Variants in LPP observed in about 807,000 individuals in gnomAD.
LPP encodes lipoma-preferred partner.
A neutral mutation model predicts 60.4 loss-of-function variants in LPP; 38 were observed. The observed-to-expected ratio is 0.63, with a 90% CI of 0.49 to 0.83. The LOEUF (loss-of-function observed/expected upper bound fraction) is 0.83. LPP is among the 40% of genes least tolerant of loss of function. The pLI is 0.00. For synonymous variants in LPP, 328 were observed against 290.8 expected (o/e 1.13, Z -1.30); for missense variants, 902 against 783.6 (o/e 1.15, Z -1.80).
intron 4 of LPP, among the ~76,000 whole-genome samples, chr3:188,411,083 T>C (rs1560368933): frequency 6.6e-6 from 1 of 152,186 alleles, no homozygotes; most frequent in Non-Finnish European, 1.5e-5. Context: ...GGCTGAGTAG[T>C]ATCCCATAGT....
At chr3:188,701,487 A>G (rs1386728891) in intron 7 of LPP, among the ~76,000 whole-genome samples, 1 of 152,242 alleles carries the variant, frequency 6.6e-6, no homozygotes, top group African/African-American at 2.4e-5. Flanking sequence ...AGCATATTGT[A>G]TTGCCGTAAG....
At chr3:188,545,523 C>T (rs1026743329) in intron 6 of LPP, among the ~76,000 whole-genome samples, 1 of 151,978 alleles carries the variant, frequency 6.6e-6, no homozygotes, top group Non-Finnish European at 1.5e-5. Context: ...TGATAGTACT[C>T]CATGAAAATA....
At chr3:188,301,377 T>C (rs529557757) in intron 2 of LPP, among the ~76,000 whole-genome samples, 2 of 152,340 alleles carry the variant, frequency 1.3e-5, no homozygotes, top group African/African-American at 4.8e-5. Context: ...CATTTTTGTT[T>C]CATTTCAAAA....
At chr3:188,309,067 G>T (rs1180978687) in intron 2 of LPP, among the ~76,000 whole-genome samples, 4 of 109,172 alleles carry the variant, frequency 3.7e-5, no homozygotes, top group African/African-American at 1.5e-4. Flanking sequence ...TGTTGCCCAG[G>T]CTGGAGTGTA....
chr3:188,849,952 G>A (rs1410553972), intron 9 of LPP, among the ~76,000 whole-genome samples: 5 of 152,100 alleles, frequency 3.3e-5, no homozygotes, highest in South Asian at 4.1e-4. Context: ...TATCCATAGC[G>A]GACATGTCTA....
intron 9 of LPP, among the ~76,000 whole-genome samples, chr3:188,779,133 A>G (rs1427147631): frequency 6.6e-6 from 1 of 152,178 alleles, no homozygotes; most frequent in Non-Finnish European, 1.5e-5. Context: ...GAAAAAAAAA[A>G]AGATGTCCTT....
intron 6 of LPP, among the ~76,000 whole-genome samples, chr3:188,574,717 G>T (rs891867213): frequency 6.6e-6 from 1 of 152,072 alleles, no homozygotes; most frequent in Non-Finnish European, 1.5e-5. Flanking sequence ...TCCTGTGTGT[G>T]TGTGTGTTGT....
intron 9 of LPP, among the ~76,000 whole-genome samples, chr3:188,846,680 T>A: frequency 1.3e-5 from 1 of 78,928 alleles, no homozygotes; most frequent in African/African-American, 5.0e-5. Flanking sequence ...CAAGATTCCA[T>A]CTCAAAAAAA....
intron 2 of LPP, among the ~76,000 whole-genome samples, chr3:188,332,560 C>CT (rs1456482026): frequency 1.3e-5 from 2 of 152,120 alleles, no homozygotes; most frequent in Non-Finnish European, 2.9e-5. Context: ...TGAGTACATA[C>CT]TAAAGACCAG....
chr3:188,376,606 C>T (rs944859736), intron 3 of LPP, among the ~76,000 whole-genome samples: 17 of 152,120 alleles, frequency 1.1e-4, no homozygotes, highest in African/African-American at 2.2e-4. Flanking sequence ...TGTCTCTGCA[C>T]GTGAGATGGG....
intron 4 of LPP, among the ~76,000 whole-genome samples, chr3:188,446,163 T>C (rs16863321): frequency 0.035 from 5,385 of 152,258 alleles, 267 homozygotes; most frequent in African/African-American, 0.11. Flanking sequence ...GGGACACCAC[T>C]TAAATGACTA....
At chr3:188,378,760 G>A (rs1237486195) in intron 3 of LPP, among the ~76,000 whole-genome samples, 2 of 152,184 alleles carry the variant, frequency 1.3e-5, no homozygotes, top group Non-Finnish European at 2.9e-5. Flanking sequence ...GATGAACCCG[G>A]TACCTCAGTT....
intron 7 of LPP, among the ~76,000 whole-genome samples, chr3:188,660,575 T>C (rs1332487241): frequency 6.6e-6 from 1 of 152,184 alleles, no homozygotes; most frequent in African/African-American, 2.4e-5. Flanking sequence ...CTTTCAACTA[T>C]TTTAGGCTGC....
At position 188,375,156 on chromosome 3, in the gene LPP, G is replaced by C. The variant is rs546060081; in HGVS notation, c.-9-30956G>C. Among the ~76,000 whole-genome samples, 4 of 152,232 alleles carry C rather than the reference G, an allele frequency of 2.6e-5. No individual in the cohort carries two copies. In the South Asian group the frequency reaches 8.3e-4, roughly 32 times the overall value. The stretch of plus-strand genomic sequence containing the variant: ...GCATCAATGTTCATCAAGGATATTG[G>C]TCTAAAATTCTCTTTTTTGGTTGTG... On this transcript the variant is annotated intron_variant, in intron 3 of 11. Coordinates refer to ENST00000617246, the MANE Select transcript of LPP (RefSeq NM_001375462.1).
At chr3:188,366,102 T>C (rs989678434) in intron 3 of LPP, among the ~76,000 whole-genome samples, 3 of 152,234 alleles carry the variant, frequency 2.0e-5, no homozygotes, top group African/African-American at 7.2e-5. Flanking sequence ...GTTTGACTTT[T>C]TTAATTTGCA....
intron 9 of LPP, among the ~76,000 whole-genome samples, chr3:188,840,109 T>A (rs1243993950): frequency 3.3e-5 from 5 of 152,226 alleles, no homozygotes; most frequent in African/African-American, 1.2e-4. Context: ...AGTTTTGTTT[T>A]GGTTTGGTTT....
chr3:188,250,976 T>TCCCTTCCCTC (rs1560159505), intron 2 of LPP, among the ~76,000 whole-genome samples: 1 of 11,888 alleles, frequency 8.4e-5, no homozygotes, highest in African/African-American at 3.7e-4. Context: ...TCCCTTCCCT[T>TCCCTTCCCTC]CCCTCCCCTC....
chr3:188,764,148 A>G (rs1733282708), intron 9 of LPP, among the ~76,000 whole-genome samples: 1 of 152,176 alleles, frequency 6.6e-6, no homozygotes, highest in Non-Finnish European at 1.5e-5. Flanking sequence ...AGATTTGAAT[A>G]TGTAAACAGA....
chr3:188,346,015 C>T (rs1409864365), intron 3 of LPP, among the ~76,000 whole-genome samples: 1 of 151,974 alleles, frequency 6.6e-6, no homozygotes, highest in Non-Finnish European at 1.5e-5. Flanking sequence ...TCAAAGGAAC[C>T]CTCTGATTTT....
Sources: gnomAD v4.1 joint callset for allele counts (sites outside exome capture counted in the v4.1 genomes callset) on GRCh38, gnomAD v4.1.1 for gene constraint, MANE v1.5 for transcripts, NCBI Gene and HGNC (gene_info 2026-07-23, HGNC 2026-07-21) for gene names.